SMG7: variants seen among roughly 807,000 people sequenced by gnomAD.
SMG7 encodes nonsense-mediated mRNA decay factor SMG7.
A neutral mutation model predicts 148.2 loss-of-function variants in SMG7; 34 were observed. The ratio of observed to expected loss-of-function variants is 0.23; its 90% CI spans 0.17 to 0.31. The LOEUF (loss-of-function observed/expected upper bound fraction) is 0.31. Ranked by LOEUF, SMG7 falls within the 10% of genes least tolerant of loss-of-function variation. SMG7 has a pLI of 1.00. For synonymous variants in SMG7, 492 were observed against 515.1 expected (o/e 0.96, Z 0.61); for missense variants, 1,114 against 1,408.4 (o/e 0.79, Z 3.35).
rs1215419232 is a variant in SMG7 at position 183,550,750 on chromosome 1, G to C, written c.3134-1G>C. ...TATCCTGTGTTGCTATTATTTAATA[G>C]ATCATTCAACACCAGCCAGCCAGTC... On this transcript the variant is annotated splice_acceptor_variant, in intron 20 of 22. Coordinates refer to ENST00000688051, the MANE Select transcript of SMG7 (RefSeq NM_001375584.1). LOFTEE classifies it high-confidence loss of function. 1.2e-6 allele frequency: 2 copies of C among 1,613,684 alleles called. No individual in the cohort carries two copies. Among genetic ancestry groups the C allele is most frequent in the Non-Finnish European group, 8.5e-7 (1 of 1,179,746 alleles).
rs1669710036 is a variant in SMG7, at chr1:183,545,232, C to G, written c.2290C>G (p.Leu764Val). 3 of 1,613,980 alleles carry G rather than the reference C, an allele frequency of 1.9e-6. No homozygotes were observed. Residue 764 changes from leucine to valine, a missense_variant, in exon 16 of 23, where the codon CTA (leucine) becomes GTA (valine). Around this residue, in one of 4 missense-constraint regions of SMG7, gnomAD observed 788 missense variants for 894.5 expected, o/e 0.88. Coordinates refer to ENST00000688051, the MANE Select transcript of SMG7 (RefSeq NM_001375584.1). ...QSTSQLQVQA[L>V]TQQQQSPTKA... ...TACAAGCCAGCTGCAGGTTCAAGCT[C>G]TAACTCAGCAACAACAATCCCCTAC...
intron 1 of SMG7, among the ~76,000 whole-genome samples, chr1:183,493,013 A>G (rs961281641): frequency 1.3e-5 from 2 of 152,164 alleles, no homozygotes; most frequent in Non-Finnish European, 2.9e-5. Flanking sequence ...TCTGTTGCCT[A>G]GGTATTGTGC....
At position 183,527,048 on chromosome 1, in the gene SMG7, T is replaced by C. The variant is rs1464510067; in HGVS notation, c.484+281T>C. Among the ~76,000 whole-genome samples, 1 of 152,252 alleles carries C rather than the reference T, an allele frequency of 6.6e-6. No individual in the cohort carries two copies. Among genetic ancestry groups the C allele is most frequent in the Non-Finnish European group, 1.5e-5 (1 of 68,028 alleles). On this transcript the variant is annotated intron_variant, in intron 5 of 22. Transcript: ENST00000688051. The surrounding 1 kb of genome is among the most constrained non-coding windows in gnomAD (Gnocchi z 4.0). ...TAAACAGCAAAAACATAATCAAAGC[T>C]TAATTTTTCAAAGTGGTGCCATAAT...
At chr1:183,505,211 C>T (rs1201349640) in intron 1 of SMG7, among the ~76,000 whole-genome samples, 1 of 152,124 alleles carries the variant, frequency 6.6e-6, no homozygotes, top group Non-Finnish European at 1.5e-5. Context: ...ACTTCTCCCT[C>T]TTATTTGTTC....
intron 1 of SMG7, among the ~76,000 whole-genome samples, chr1:183,477,485 C>CATATGTGTGTATATATGCATATATACAT (rs1557935151): frequency 8.0e-6 from 1 of 125,150 alleles, no homozygotes; most frequent in Non-Finnish European, 1.8e-5. Context: ...CATATATACA[C>CATATGTGTGTATATATGCATATATACAT]GTGTGTGCAT....
chr1:183,489,153 A>G (rs1656299728), intron 1 of SMG7, among the ~76,000 whole-genome samples: 1 of 152,154 alleles, frequency 6.6e-6, no homozygotes, highest in South Asian at 2.1e-4. Context: ...AAAAAAGTTC[A>G]ATCAACAGAG....
rs757570672 is a variant in SMG7, at chr1:183,551,910, C to T, written c.3543C>T (p.Gly1181=). The T allele has an allele frequency of 1.9e-6, 3 of 1,613,722 alleles. No homozygotes were observed. Among genetic ancestry groups the T allele is most frequent in the Non-Finnish European group, 2.5e-6 (3 of 1,179,786 alleles). The part of the protein sequence containing the change: ...QQKQKQQRGQ[G]TMNPPH Reference sequence around the variant, plus strand: ...AGCAGAAACAGCAACGGGGACAAGGCACCATGAACCCTCCACACTGAGGCC... The same window carrying T: ...AGCAGAAACAGCAACGGGGACAAGGTACCATGAACCCTCCACACTGAGGCC... Residue 1181 remains glycine, a synonymous_variant, in exon 23 of 23, where the codon GGC becomes GGT. Coordinates refer to ENST00000688051, the MANE Select transcript of SMG7 (RefSeq NM_001375584.1).
intron 18 of SMG7, among the ~76,000 whole-genome samples, chr1:183,548,028 A>C (rs572798881): frequency 2.0e-5 from 3 of 152,346 alleles, no homozygotes; most frequent in South Asian, 2.1e-4. Context: ...ATAAAAAGAT[A>C]GTAAATTTTA....
chr1:183,534,713 A>G (rs1429269105), intron 10 of SMG7, among the ~76,000 whole-genome samples: 1 of 152,044 alleles, frequency 6.6e-6, no homozygotes, highest in Non-Finnish European at 1.5e-5. Flanking sequence ...AAAATACAAA[A>G]GATATTAGCC....
intron 2 of SMG7, 40 bp downstream of exon 2, chr1:183,512,908 A>G (rs778116623): frequency 3.9e-6 from 6 of 1,528,700 alleles, no homozygotes; most frequent in Middle Eastern, 1.9e-4. Context: ...CATATTTTAT[A>G]TATTAAATTA....
intron 2 of SMG7, among the ~76,000 whole-genome samples, chr1:183,514,370 G>A (rs903822290): frequency 6.6e-6 from 1 of 152,186 alleles, no homozygotes; most frequent in African/African-American, 2.4e-5. Context: ...TCAAGGAAAA[G>A]TGTGTTGGGG....
chr1:183,545,700 GAAAC>G (rs968635074), intron 16 of SMG7, among the ~76,000 whole-genome samples: 1 of 152,126 alleles, frequency 6.6e-6, no homozygotes, highest in African/African-American at 2.4e-5. Context: ...GCAGAAAGGG[GAAAC>G]AAACACTCTT....
In SMG7 at chr1:183,552,253, A is replaced by G. The variant is rs528992941; in HGVS notation, c.*322A>G. ...CATGTCCCCAGCCACATGGGAAGTG[A>G]AAGCTGAGAAGGGAAGGCAGATGGG... On this transcript the variant is annotated 3_prime_UTR_variant, in exon 23 of 23. Transcript: ENST00000688051. 4 of 1,034,642 alleles carry G rather than the reference A, an allele frequency of 3.9e-6. No homozygotes were observed. In the South Asian group the frequency reaches 1.8e-4, roughly 47 times the overall value. 64.1% of individuals were successfully genotyped at this position (1,034,642 alleles called of 1,614,324 possible).
chr1:183,505,455 A>G (rs530134903), intron 1 of SMG7, among the ~76,000 whole-genome samples: 1 of 152,134 alleles, frequency 6.6e-6, no homozygotes, highest in South Asian at 2.1e-4. Context: ...AGTGTCTTTC[A>G]TCTACTCTTT....
At chr1:183,514,216 C>CAAAAAAA (rs36125833) in intron 2 of SMG7, among the ~76,000 whole-genome samples, 1 of 99,134 alleles carries the variant, frequency 1.0e-5, no homozygotes, top group African/African-American at 3.2e-5. Flanking sequence ...GTGAAATTCA[C>CAAAAAAA]AAAAAAAAAA....
At chr1:183,526,796 A>G in intron 5 of SMG7, 29 bp downstream of exon 5, 1 of 1,574,982 alleles carries the variant, frequency 6.3e-7, no homozygotes, top group Non-Finnish European at 8.6e-7. Flanking sequence ...GGAATTGATA[A>G]TATGTTCCTC....
chr1:183,494,609 A>AC (rs556762466), intron 1 of SMG7, among the ~76,000 whole-genome samples: 125 of 151,100 alleles, frequency 8.3e-4, no homozygotes, highest in African/African-American at 3.0e-3. Context: ...AAAAAAAAAA[A>AC]CGTATTTTTT....
chr1:183,498,381 T>C (rs1183575749), intron 1 of SMG7, among the ~76,000 whole-genome samples: 1 of 152,112 alleles, frequency 6.6e-6, no homozygotes, highest in African/African-American at 2.4e-5. Context: ...ATACAAAAAT[T>C]AGCCATCTGT....
chr1:183,511,450 G>A (rs1662135452), intron 1 of SMG7, among the ~76,000 whole-genome samples: 1 of 152,178 alleles, frequency 6.6e-6, no homozygotes, highest in Non-Finnish European at 1.5e-5. Context: ...GAAGGGGGAA[G>A]AGGTGTTGCT....
Sources: allele counts gnomAD v4.1 joint callset (sites outside exome capture counted in the v4.1 genomes callset), GRCh38; gene constraint gnomAD v4.1.1; regional missense constraint gnomAD v4.1.1; non-coding constraint Gnocchi (gnomAD v3.1); transcripts MANE v1.5; gene names NCBI Gene and HGNC (gene_info 2026-07-23, HGNC 2026-07-21).